The following MED12 variants were observed in gnomAD, a reference collection of about 807,000 sequenced individuals.
MED12 encodes mediator of RNA polymerase II transcription subunit 12.
In MED12, 10 loss-of-function variants were observed where a neutral mutation model predicts 177.7. The ratio of observed to expected loss-of-function variants is 0.06; its 90% confidence interval spans 0.03 to 0.10. The LOEUF (loss-of-function observed/expected upper bound fraction) is 0.10. MED12 is among the 10% of genes least tolerant of loss of function. MED12 has a pLI of 1.00. For missense variants in MED12, 867 were observed against 1,780.8 expected (o/e 0.49, Z 9.23); for synonymous variants, 641 against 678.4 (o/e 0.94, Z 0.86).
chrX:71,140,900 G>A (rs2092345720), intron 42 of MED12, 43 bp downstream of exon 42: 1 of 1,197,371 alleles, frequency 8.4e-7, no homozygotes, highest in Non-Finnish European at 1.1e-6. Context: ...AGCCCAGGGA[G>A]GAAGAGAGGC....
intron 11 of MED12, 113 bp from the exon 12 acceptor site, chrX:71,123,481 G>T: frequency 1.0e-6 from 1 of 961,154 alleles, no homozygotes; most frequent in South Asian, 2.0e-5. Context: ...GCAGGGGAAT[G>T]AAAGTGAAAA....
At chrX:71,134,562 C>T in intron 34 of MED12, 96 bp downstream of exon 34, 1 of 930,672 alleles carries the variant, frequency 1.1e-6, no homozygotes, top group Non-Finnish European at 1.5e-6. Flanking sequence ...GTGGCTGTTA[C>T]TGTGGACTCC....
rs932149153 is a variant in MED12, at chrX:71,128,103, G to A, written c.3192G>A (p.Gly1064=). The change falls in exon 22 of 45, where the codon GGG becomes GGA. Residue 1064 remains glycine, a synonymous_variant. Transcript: ENST00000374080. Reference sequence around the variant, plus strand: ...ATGCCCTTATGCACGTCTGTGTGGGGCACCATGATCCCGATAGGTATGGGG... The same window carrying A: ...ATGCCCTTATGCACGTCTGTGTGGGACACCATGATCCCGATAGGTATGGGG... ...VCNALMHVCV[G]HHDPDRVNDI... 2.5e-6 allele frequency: 3 copies of A among 1,208,219 alleles called. No individual in the cohort carries two copies. The highest frequency in any genetic ancestry group is 2.3e-4 in the Middle Eastern group (1 of 4,374).
chrX:71,120,729 G>T (rs2092287210), intron 4 of MED12, among the ~76,000 whole-genome samples: 1 of 110,032 alleles, frequency 9.1e-6, no homozygotes, highest in Non-Finnish European at 1.9e-5. Flanking sequence ...TCCTGTCTCA[G>T]CCTCCCGAGT....
intron 5 of MED12, 80 bp from the exon 6 acceptor site, chrX:71,121,247 T>C: frequency 8.9e-7 from 1 of 1,121,182 alleles, no homozygotes; most frequent in Non-Finnish European, 1.2e-6. Flanking sequence ...CTTGCCCCAG[T>C]TGTGGTTCTC....
At chrX:71,124,510 G>A (rs2092297872) in intron 13 of MED12, 122 bp downstream of exon 13, 1 of 571,367 alleles carries the variant, frequency 1.8e-6, no homozygotes. Flanking sequence ...TTAGCACTTG[G>A]TGATTGACCA....
Position 71,129,742 on chromosome X carries a change from G to A in MED12, c.3754G>A (p.Glu1252Lys), listed in dbSNP as rs1467213384. ...VTGGTEELPE[E>K]EGGGGSGGRR... ...AGGAGGAACAGAAGAACTTCCAGAG[G>A]AGGAGGGAGGAGGTGGCAGTGGTGG... The change falls in exon 27 of 45, where the codon GAG (glutamate) becomes AAG (lysine). Residue 1252 changes from glutamate (E) to lysine (K), a missense_variant. Physicochemically the swap from Glu to Lys is moderately conservative, Grantham distance 56. Coordinates refer to ENST00000374080, the MANE Select transcript of MED12 (RefSeq NM_005120.3). 1 of 1,203,302 alleles carries A rather than the reference G, an allele frequency of 8.3e-7. No individual in the cohort carries two copies. Among genetic ancestry groups the A allele is most frequent in the Non-Finnish European group, 1.1e-6 (1 of 891,715 alleles).
intron 35 of MED12, 64 bp from the exon 36 acceptor site, chrX:71,135,028 C>A: frequency 8.4e-7 from 1 of 1,196,702 alleles, no homozygotes; most frequent in South Asian, 1.8e-5. Context: ...GTGCTGTCCC[C>A]TGAGACTTCC....
At chrX:71,122,448 G>A (rs1214256476) in intron 8 of MED12, 60 bp from the exon 9 acceptor site, 4 of 1,182,923 alleles carry the variant, frequency 3.4e-6, no homozygotes. Flanking sequence ...TTCTAGCCTG[G>A]GGCTCTGGCC....
At position 71,124,361 on chromosome X, in the gene MED12, T is replaced by C; in HGVS notation, c.1947T>C (p.Ala649=). Residue 649 remains alanine, a synonymous_variant, in exon 13 of 45, where the codon GCT becomes GCC. Transcript: ENST00000374080. ...CCGATGACCCAGAGCACAAGGAGGC[T>C]GAAGGCAGCAGCAGCAGCAAGCTGG... is the stretch of plus-strand genomic sequence containing the variant. ...DPADDPEHKE[A]EGSSSSKLED... 1 of 1,207,570 alleles carries C rather than the reference T, an allele frequency of 8.3e-7. No individual in the cohort carries two copies. Among genetic ancestry groups the C allele is most frequent in the East Asian group, 3.0e-5 (1 of 33,760 alleles).
At chrX:71,119,226 A>C in intron 1 of MED12, 147 bp from the exon 2 acceptor site, 1 of 499,898 alleles carries the variant, frequency 2.0e-6, no homozygotes, top group Non-Finnish European at 3.6e-6. Flanking sequence ...AGTGAACGTA[A>C]GGGCCCAGCT....
At position 71,141,313 on chromosome X, in the gene MED12, G is replaced by T; in HGVS notation, c.6351G>T (p.Gln2117His). 2 of 1,160,551 alleles carry T rather than the reference G, an allele frequency of 1.7e-6. No individual in the cohort carries two copies. The highest frequency in any genetic ancestry group is 2.3e-6 in the Non-Finnish European group (2 of 870,559). The change falls in exon 43 of 45, where the codon CAG becomes CAT. Residue 2117 changes from glutamine to histidine, a missense_variant. Physicochemically the swap from Gln to His is conservative, Grantham distance 24. This residue lies in a region of MED12 where 236 missense variants were observed against 345.2 expected (regional missense o/e 0.68). Transcript: ENST00000374080. ...QQQQQQQQQH[Q>H]QQQQQQAAPP... ...AGCAACAGCAACAACAGCAACACCA[G>T]CAGCAACAGCAGCAACAGGCGGCTC...
chrX:71,137,347 G>A lies in MED12; in HGVS notation c.5712G>A (p.Ala1904=), dbSNP rs189962028. Residue 1904 remains alanine, a synonymous_variant, in exon 39 of 45, where the codon GCG becomes GCA. Transcript: ENST00000374080. ...CTGTGTACCGGCAGCAGCAACCTGC[G>A]GTGCCCCAAGGACAGCGCCTTCGCC... ...KTSVYRQQQP[A]VPQGQRLRQQ... is the part of the protein sequence containing the mutation. 96 of 1,209,670 alleles carry A rather than the reference G, an allele frequency of 7.9e-5. 1 individual carries two copies. Among genetic ancestry groups the A allele is most frequent in the Admixed American group, 2.2e-5 (1 of 45,775 alleles).
chrX:71,129,777 G>C lies in MED12; in HGVS notation c.3789G>C (p.Gln1263His), dbSNP rs765481362. 5.0e-6 allele frequency: 6 copies of C among 1,208,661 alleles called. No homozygotes were observed. The Admixed American group carries it at 1.1e-4, about 22-fold the overall frequency. The change falls in exon 27 of 45, where the codon CAG becomes CAC. Residue 1263 changes from glutamine to histidine, a missense_variant. Physicochemically the swap from Gln to His is conservative, Grantham distance 24 (BLOSUM62 0). This residue lies in a region of MED12 where 29 missense variants were observed against 31.3 expected (regional missense o/e 0.93). Transcript: ENST00000374080. Reference protein sequence around the residue: ...EGGGGSGGRRQGGRNISVETA... With the variant: ...EGGGGSGGRRHGGRNISVETA... Reference sequence around the variant, plus strand: ...GAGGTGGCAGTGGTGGTCGGAGGCAGGGTGGCCGCAACATCTCTGTGGAGA... The same window carrying C: ...GAGGTGGCAGTGGTGGTCGGAGGCACGGTGGCCGCAACATCTCTGTGGAGA...
intron 41 of MED12, among the ~76,000 whole-genome samples, chrX:71,139,530 G>A (rs1280980295): frequency 1.8e-5 from 2 of 110,281 alleles, no homozygotes; most frequent in East Asian, 5.7e-4. Flanking sequence ...TTGATCAGAA[G>A]AGTGATAGGA....
At chrX:71,133,576 C>T (rs1364488350) in intron 33 of MED12, among the ~76,000 whole-genome samples, 2 of 110,437 alleles carry the variant, frequency 1.8e-5, no homozygotes, top group African/African-American at 3.3e-5. Flanking sequence ...TCAAATGATC[C>T]GTCTGTCTCG....
intron 41 of MED12, 137 bp from the exon 42 acceptor site, chrX:71,140,498 G>A (rs2092344065): frequency 1.1e-5 from 12 of 1,066,465 alleles, no homozygotes; most frequent in Admixed American, 7.4e-5. Flanking sequence ...TCCCCAGACT[G>A]GAAGTCTGGT....
At position 71,127,031 on chromosome X, in the gene MED12, C is replaced by T. The variant is rs768686458; in HGVS notation, c.2748C>T (p.Gly916=). 8.3e-7 allele frequency: 1 copy of T among 1,211,057 alleles called. No individual in the cohort carries two copies. Among genetic ancestry groups the T allele is most frequent in the Non-Finnish European group, 1.1e-6 (1 of 894,469 alleles). The change falls in exon 20 of 45, where the codon GGC becomes GGT. Residue 916 remains glycine, a synonymous_variant. Transcript: ENST00000374080. The part of the protein sequence containing the change: ...ELLLKSSDLV[G]SYTTSLCLCI... ...TTCTCAAATCCTCGGATCTGGTGGGCAGCTACACTACTAGCCTGTGCCTGT... is the reference window on the plus strand; with the variant it reads ...TTCTCAAATCCTCGGATCTGGTGGGTAGCTACACTACTAGCCTGTGCCTGT...
chrX:71,129,844 A>G lies in MED12; in HGVS notation c.3856A>G (p.Ile1286Val). The change falls in exon 27 of 45, where the codon ATC (isoleucine) becomes GTC (valine). Residue 1286 changes from isoleucine (I) to valine (V), a missense_variant. Ile to Val is a conservative substitution (Grantham distance 29, BLOSUM62 3). Coordinates refer to ENST00000374080, the MANE Select transcript of MED12 (RefSeq NM_005120.3). ...DVYAKYVLRSICQQEWVGERC... is the reference protein window; with the variant it reads ...DVYAKYVLRSVCQQEWVGERC... ...CTATGCCAAGTACGTGCTGCGCAGCATCTGCCAACAGGTCAGTTTCACCTT... is the reference window on the plus strand; with the variant it reads ...CTATGCCAAGTACGTGCTGCGCAGCGTCTGCCAACAGGTCAGTTTCACCTT... 2.5e-6 allele frequency: 3 copies of G among 1,211,853 alleles called. No individual in the cohort carries two copies. The highest frequency in any genetic ancestry group is 3.4e-6 in the Non-Finnish European group (3 of 895,405).
Sources: allele counts gnomAD v4.1 joint callset (sites outside exome capture counted in the v4.1 genomes callset), GRCh38; gene constraint gnomAD v4.1.1; regional missense constraint gnomAD v4.1.1; transcripts MANE v1.5; gene names NCBI Gene and HGNC (gene_info 2026-07-23, HGNC 2026-07-21).